Variants in ACADM observed in about 807,000 individuals in gnomAD.
The protein encoded by ACADM is acyl-CoA dehydrogenase medium chain.
Under a neutral mutation model 58.9 loss-of-function variants are expected in ACADM, and 49 were observed. The ratio of observed to expected loss-of-function variants is 0.83; its 90% CI spans 0.66 to 1.06. ACADM has a LOEUF of 1.06. Ranked by LOEUF, ACADM falls within the 50% of genes least tolerant of loss-of-function variation. The probability of loss-of-function intolerance (pLI) is 0.00; values close to 1 mark genes in which losing one functional copy is unlikely to be tolerated. For synonymous variants in ACADM, 160 were observed against 157.7 expected (o/e 1.01, Z -0.11); for missense variants, 496 against 507.0 (o/e 0.98, Z 0.21).
At chr1:75,731,621 G>A (rs931426743) in intron 2 of ACADM, among the ~76,000 whole-genome samples, 2 of 152,072 alleles carry the variant, frequency 1.3e-5, no homozygotes, top group Admixed American at 6.5e-5. Flanking sequence ...CAAATTGTTG[G>A]ACACCATTTA....
intron 2 of ACADM, among the ~76,000 whole-genome samples, chr1:75,729,037 T>C (rs1647100758): frequency 6.6e-6 from 1 of 152,136 alleles, no homozygotes; most frequent in Non-Finnish European, 1.5e-5. Flanking sequence ...CTTGGCCTTC[T>C]AAAGTGCTTC....
At chr1:75,753,470 A>G (rs1767458) in intron 10 of ACADM, among the ~76,000 whole-genome samples, 56,499 of 151,220 alleles carry the variant, frequency 0.37, 11,593 homozygotes, top group African/African-American at 0.55. Context: ...TGTTGCCAGA[A>G]CTACATATGT....
intron 2 of ACADM, among the ~76,000 whole-genome samples, chr1:75,731,411 T>C (rs931368251): frequency 5.9e-5 from 9 of 152,076 alleles, no homozygotes; most frequent in African/African-American, 2.2e-4. Context: ...CATTCCTCTG[T>C]GCATTTGCTC....
At chr1:75,743,586 G>T in intron 7 of ACADM, 1 of 1,579,462 alleles carries the variant, frequency 6.3e-7, no homozygotes, top group South Asian at 1.1e-5. Flanking sequence ...TGTCAAAGAT[G>T]CCATGCATCC....
At chr1:75,756,243 G>C (rs1287915399) in intron 10 of ACADM, among the ~76,000 whole-genome samples, 1 of 152,070 alleles carries the variant, frequency 6.6e-6, no homozygotes, top group African/African-American at 2.4e-5. Flanking sequence ...GGAAATAAAG[G>C]GTATTCAGTT....
rs998228537 is a variant in ACADM at position 75,732,637 on chromosome 1, C to A, written c.119-7C>A. The A allele has an allele frequency of 1.9e-5, 31 of 1,609,004 alleles. No individual in the cohort carries two copies. Among genetic ancestry groups the A allele is most frequent in the Non-Finnish European group, 2.4e-5 (28 of 1,175,534 alleles). On this transcript the variant is annotated splice_region_variant and splice_polypyrimidine_tract_variant and intron_variant, in intron 2 of 11. Coordinates refer to ENST00000370841, the MANE Select transcript of ACADM (RefSeq NM_000016.6). ...AGTTTTAACTTTTCTAAATAATTTT[C>A]CCTTAGAGTTCACCGAACAGCAGAA...
At chr1:75,739,043 C>T (rs1647425556) in intron 6 of ACADM, among the ~76,000 whole-genome samples, 1 of 152,194 alleles carries the variant, frequency 6.6e-6, no homozygotes, top group South Asian at 2.1e-4. Context: ...ACAGAATTTA[C>T]ATACTGTGGA....
At chr1:75,742,706 T>C (rs1308900899) in intron 7 of ACADM, among the ~76,000 whole-genome samples, 2 of 151,814 alleles carry the variant, frequency 1.3e-5, no homozygotes, top group South Asian at 2.1e-4. Flanking sequence ...CCAAGATGAG[T>C]CTTCTTGGTG....
At chr1:75,749,608 T>G in intron 9 of ACADM, 49 bp downstream of exon 9, 1 of 1,480,528 alleles carries the variant, frequency 6.8e-7, no homozygotes, top group Non-Finnish European at 9.3e-7. Context: ...ATTTATTACA[T>G]TAAATAAGTA....
At chr1:75,742,463 A>T (rs954299374) in intron 7 of ACADM, among the ~76,000 whole-genome samples, 1 of 152,180 alleles carries the variant, frequency 6.6e-6, no homozygotes, top group Non-Finnish European at 1.5e-5. Flanking sequence ...AGGAACAAGA[A>T]CTGCCTCCTC....
At chr1:75,743,324 C>T in intron 7 of ACADM, 1 of 1,399,594 alleles carries the variant, frequency 7.1e-7, no homozygotes, top group African/African-American at 1.4e-5. Context: ...CAGCATGTGC[C>T]TGTCACCAGG....
At position 75,756,601 on chromosome 1, in the gene ACADM, A is replaced by G. The variant is rs372214690; in HGVS notation, c.946-4521A>G. Among the ~76,000 whole-genome samples the G allele has an allele frequency of 1.4e-4, 21 of 152,370 alleles. No individual in the cohort carries two copies. In the East Asian group the frequency reaches 3.9e-3, roughly 28 times the overall value. On this transcript the variant is annotated intron_variant, in intron 10 of 11. Coordinates refer to ENST00000370841, the MANE Select transcript of ACADM (RefSeq NM_000016.6). The stretch of plus-strand genomic sequence containing the variant: ...GGAAGAACATTCCATGCTCATGGGT[A>G]GGAAGAATCAATATCGTGAAAATGG...
At chr1:75,757,174 G>A (rs1306425716) in intron 10 of ACADM, among the ~76,000 whole-genome samples, 1 of 152,220 alleles carries the variant, frequency 6.6e-6, no homozygotes, top group Admixed American at 6.5e-5. Flanking sequence ...TAAAACACCA[G>A]AAGCAATGGA....
intron 2 of ACADM, among the ~76,000 whole-genome samples, chr1:75,732,159 A>AG (rs1446250683): frequency 6.6e-6 from 1 of 151,984 alleles, no homozygotes; most frequent in Non-Finnish European, 1.5e-5. Context: ...CAAAAAAAAA[A>AG]AGCAAAATTA....
intron 10 of ACADM, among the ~76,000 whole-genome samples, chr1:75,751,591 T>C (rs1180089116): frequency 1.3e-5 from 2 of 151,524 alleles, no homozygotes; most frequent in African/African-American, 2.4e-5. Flanking sequence ...CCCCACCTCC[T>C]GTGTTCAAGT....
At chr1:75,729,295 C>CTT (rs35372302) in intron 2 of ACADM, among the ~76,000 whole-genome samples, 2,708 of 85,340 alleles carry the variant, frequency 0.032, 194 homozygotes, top group African/African-American at 0.12. Context: ...TTTCTTTTTT[C>CTT]TTTTTTTTTT....
chr1:75,759,655 T>A (rs1301782389), intron 10 of ACADM, among the ~76,000 whole-genome samples: 20 of 126,522 alleles, frequency 1.6e-4, no homozygotes, highest in Non-Finnish European at 3.0e-4. Flanking sequence ...GTAGCAACTT[T>A]CTTTTTTTTT....
At chr1:75,754,353 G>A (rs915935888) in intron 10 of ACADM, among the ~76,000 whole-genome samples, 9 of 151,680 alleles carry the variant, frequency 5.9e-5, no homozygotes, top group African/African-American at 1.9e-4. Context: ...GTTTACAGGT[G>A]CCCGCAACTG....
intron 7 of ACADM, 97 bp from the exon 8 acceptor site, chr1:75,745,709 A>G: frequency 2.1e-6 from 2 of 946,908 alleles, no homozygotes; most frequent in Non-Finnish European, 3.5e-6. Flanking sequence ...AATGTAGGTA[A>G]TAATAATTGG....
Sources: gnomAD v4.1 joint callset for allele counts (sites outside exome capture counted in the v4.1 genomes callset) on GRCh38, gnomAD v4.1.1 for gene constraint, MANE v1.5 for transcripts, NCBI Gene and HGNC (gene_info 2026-07-23, HGNC 2026-07-21) for gene names.